Variants in SULT1E1 observed in about 807,000 individuals in gnomAD.
SULT1E1 encodes the protein sulfotransferase family 1E member 1.
A neutral mutation model predicts 33.6 loss-of-function variants in SULT1E1; 36 were observed. The ratio of observed to expected loss-of-function variants is 1.07; its 90% CI spans 0.82 to 1.41. The LOEUF (loss-of-function observed/expected upper bound fraction) is 1.41, where lower values mean the gene tolerates loss of function less well. SULT1E1 is among the 40% of genes most tolerant of loss of function. The pLI, the probability that SULT1E1 is intolerant of heterozygous loss-of-function variation, is 0.00. For missense variants in SULT1E1, 371 were observed against 345.7 expected, an observed-to-expected ratio of 1.07 and a Z score of -0.58; for synonymous variants, 121 against 111.7, an observed-to-expected ratio of 1.08 and a Z score of -0.53.
At chr4:69,857,840 A>G (rs1309383841) in intron 1 of SULT1E1, among the ~76,000 whole-genome samples, 187 bp from the exon 2 acceptor site, 1 of 151,770 alleles carries the variant, frequency 6.6e-6, no homozygotes, top group East Asian at 1.9e-4. Context: ...CCTTATTAGA[A>G]AGATGTCTAA....
intron 7 of SULT1E1, 21 bp downstream of exon 7, chr4:69,844,140 G>A: frequency 1.2e-6 from 2 of 1,613,122 alleles, no homozygotes. Flanking sequence ...CTAGTATCGA[G>A]GCAAACCACA....
the SULT1E1 span, among the ~76,000 whole-genome samples, chr4:69,830,627 T>C: frequency 1.3e-5 from 2 of 152,238 alleles, no homozygotes. Flanking sequence ...AATTGGGGTC[T>C]GTTTCAGGGA....
At chr4:69,828,194 C>T in the SULT1E1 span, among the ~76,000 whole-genome samples, 1 of 152,202 alleles carries the variant, frequency 6.6e-6, no homozygotes, top group African/African-American at 2.4e-5. Flanking sequence ...TGACCGTCCT[C>T]AATAAGGGAA....
intron 1 of SULT1E1, among the ~76,000 whole-genome samples, chr4:69,858,409 T>A (rs1446410872): frequency 6.6e-6 from 1 of 152,178 alleles, no homozygotes; most frequent in Non-Finnish European, 1.5e-5. Context: ...TGTTCAAGGT[T>A]ACTAACAGAA....
At chr4:69,843,222 A>G (rs779439505) in intron 7 of SULT1E1, among the ~76,000 whole-genome samples, 3 of 152,144 alleles carry the variant, frequency 2.0e-5, no homozygotes, top group Non-Finnish European at 2.9e-5. Context: ...CCCAAAAACC[A>G]GAAGACAGAA....
At position 69,844,347 on chromosome 4, in the gene SULT1E1, G is replaced by A. The variant is rs759187205; in HGVS notation, c.592-6C>T. 1.9e-6 allele frequency: 3 copies of A among 1,590,382 alleles called. No homozygotes were observed. The highest frequency in any genetic ancestry group is 2.6e-6 in the Non-Finnish European group (3 of 1,167,186). On this transcript the variant is annotated splice_polypyrimidine_tract_variant and splice_region_variant and intron_variant, in intron 6 of 7. Transcript: ENST00000226444. ...ATCACCTCTTTTCTGATATCCTAGG[G>A]AGAGAAAATGTTTTGAGAACTAAAT...
chr4:69,842,383 G>A (rs1371880328), intron 7 of SULT1E1, among the ~76,000 whole-genome samples: 1 of 151,654 alleles, frequency 6.6e-6, no homozygotes, highest in East Asian at 1.9e-4. Context: ...CAGCTGTTGG[G>A]GCTCCCAGGA....
chr4:69,838,187 A>G (rs1320584850), downstream of SULT1E1, among the ~76,000 whole-genome samples: 1 of 152,084 alleles, frequency 6.6e-6, no homozygotes, highest in Non-Finnish European at 1.5e-5. Context: ...CAGTCTTTGT[A>G]GAGGTTTATT....
At chr4:69,823,355 A>G in the SULT1E1 span, among the ~76,000 whole-genome samples, 1 of 152,066 alleles carries the variant, frequency 6.6e-6, no homozygotes, top group South Asian at 2.1e-4. Context: ...TTCTCCTTCA[A>G]CGTAGCTTCC....
At chr4:69,830,642 G>A in the SULT1E1 span, among the ~76,000 whole-genome samples, 9 of 152,168 alleles carry the variant, frequency 5.9e-5, no homozygotes, top group Non-Finnish European at 1.2e-4. Context: ...CAGGGAACTG[G>A]CCCTGCGCAT....
the SULT1E1 span, among the ~76,000 whole-genome samples, chr4:69,834,192 A>G: frequency 7.9e-5 from 12 of 152,144 alleles, no homozygotes; most frequent in African/African-American, 2.7e-4. Context: ...CCACTTCTAC[A>G]TTTAAGTCTC....
At position 69,849,566 on chromosome 4, in the gene SULT1E1, A is replaced by G. The variant is rs1578104222; in HGVS notation, c.370-3T>C. ...GCATTCCGGCAAAGATAGATTATCTAAGAGGATGAAATTGTATATTAAACC... is the reference window on the plus strand; with the variant it reads ...GCATTCCGGCAAAGATAGATTATCTGAGAGGATGAAATTGTATATTAAACC... On this transcript the variant is annotated splice_region_variant and splice_polypyrimidine_tract_variant and intron_variant, in intron 4 of 7. Coordinates refer to ENST00000226444, the MANE Select transcript of SULT1E1 (RefSeq NM_005420.3). The G allele has an allele frequency of 6.3e-7, 1 of 1,595,016 alleles. No homozygotes were observed. The highest frequency in any genetic ancestry group is 1.4e-5 in the African/African-American group (1 of 73,588).
At chr4:69,835,714 C>T in the SULT1E1 span, among the ~76,000 whole-genome samples, 5 of 152,138 alleles carry the variant, frequency 3.3e-5, no homozygotes. Context: ...TTCATATTAT[C>T]ATTAGAAATG....
chr4:69,847,187 T>A (rs139534457), intron 6 of SULT1E1, among the ~76,000 whole-genome samples: 4 of 151,870 alleles, frequency 2.6e-5, no homozygotes, highest in Admixed American at 2.6e-4. Context: ...CATATTTTTT[T>A]AGTTATTTTT....
the SULT1E1 span, among the ~76,000 whole-genome samples, chr4:69,827,004 C>A: frequency 6.6e-6 from 1 of 151,876 alleles, no homozygotes; most frequent in Admixed American, 6.6e-5. Context: ...CAAAAATCCC[C>A]CAGCTATCGG....
the SULT1E1 span, among the ~76,000 whole-genome samples, chr4:69,829,617 G>A: frequency 6.6e-6 from 1 of 152,182 alleles, no homozygotes; most frequent in Non-Finnish European, 1.5e-5. Context: ...CCACCCAAAT[G>A]TAATCTGTGC....
intron 2 of SULT1E1, among the ~76,000 whole-genome samples, chr4:69,856,689 C>G (rs575122458): frequency 6.6e-6 from 1 of 152,146 alleles, no homozygotes; most frequent in South Asian, 2.1e-4. Context: ...AATCCCAGCA[C>G]TTTGGGAGGC....
chr4:69,827,070 T>G, the SULT1E1 span, among the ~76,000 whole-genome samples: 5 of 152,106 alleles, frequency 3.3e-5, no homozygotes, highest in African/African-American at 1.2e-4. Flanking sequence ...CAGGTACATG[T>G]CCCCTTCTCC....
At chr4:69,845,895 A>G (rs1720967561) in intron 6 of SULT1E1, among the ~76,000 whole-genome samples, 1 of 151,012 alleles carries the variant, frequency 6.6e-6, no homozygotes, top group Non-Finnish European at 1.5e-5. Flanking sequence ...TTCAAATTTG[A>G]TCTAGTGTTA....
Sources: allele counts gnomAD v4.1 joint callset (sites outside exome capture counted in the v4.1 genomes callset), GRCh38; gene constraint gnomAD v4.1.1; transcripts MANE v1.5; gene names NCBI Gene and HGNC (gene_info 2026-07-23, HGNC 2026-07-21).